Variants in LPIN2 observed in about 807,000 individuals in gnomAD.
LPIN2 encodes lipin 2.
A neutral mutation model predicts 111.4 loss-of-function variants in LPIN2; 55 were observed. The ratio of observed to expected loss-of-function variants is 0.49; its 90% CI spans 0.40 to 0.62. The LOEUF is 0.62. Among genes scored for constraint, LPIN2 ranks in the 20% least tolerant of loss-of-function variants. The probability of loss-of-function intolerance (pLI) is 0.00; values close to 1 mark genes in which losing one functional copy is unlikely to be tolerated. For synonymous variants in LPIN2, 425 were observed against 414.0 expected, an observed-to-expected ratio of 1.03 and a Z score of -0.32; for missense variants, 992 against 1,112.1, an observed-to-expected ratio of 0.89 and a Z score of 1.54.
intron 8 of LPIN2, among the ~76,000 whole-genome samples, chr18:2,933,782 T>A (rs1482688442): frequency 1.3e-5 from 2 of 152,090 alleles, no homozygotes; most frequent in Non-Finnish European, 2.9e-5. Context: ...TCCAAGTGTA[T>A]CATATTTGAG....
chr18:2,990,950 T>G (rs966814239), intron 1 of LPIN2: 6 of 563,728 alleles, frequency 1.1e-5, no homozygotes, highest in Non-Finnish European at 2.1e-5. Context: ...ATGATGCCAG[T>G]GGGACCTGCT....
chr18:2,960,992 G>A, intron 1 of LPIN2, 143 bp from the exon 2 acceptor site: 1 of 749,618 alleles, frequency 1.3e-6, no homozygotes, highest in East Asian at 2.7e-5. Flanking sequence ...CAACCTAACA[G>A]TCTCATGCTA....
At chr18:3,006,103 T>C (rs1212491549) in intron 1 of LPIN2, among the ~76,000 whole-genome samples, 1 of 152,184 alleles carries the variant, frequency 6.6e-6, no homozygotes, top group Non-Finnish European at 1.5e-5. Context: ...TGTACAGTGG[T>C]TGTGACTTAA....
rs936390326 is a variant in LPIN2, at chr18:2,928,715, G to A, written c.1551-55C>T. The A allele has an allele frequency of 1.5e-4, 199 of 1,310,842 alleles. 2 individuals carry two copies. The South Asian group carries it at 2.3e-3, about 15-fold the overall frequency. 81.2% of individuals were successfully genotyped at this position (1,310,842 alleles called of 1,614,324 possible). On this transcript the variant is annotated intron_variant, in intron 10 of 19. Coordinates refer to ENST00000677752, the MANE Select transcript of LPIN2 (RefSeq NM_001375808.2). ...TTACACAGTGAAAGTGAGCAAGAGA[G>A]AGGGGAGGGAATCAGGGAGGGAGGG...
rs2078406242 is a variant in LPIN2, at chr18:2,999,946, C to T, written c.-10+13141G>A. 2.6e-5 allele frequency among the ~76,000 whole-genome samples: 4 copies of T among 151,934 alleles called. No homozygotes were observed. In the South Asian group the frequency reaches 8.3e-4, roughly 31 times the overall value. ...GGTCTCACCTGTAATCCCAGCACTT[C>T]AGGAGGCTGAGGTGGGAGGATCACT... On this transcript the variant is annotated intron_variant, in intron 1 of 19. Transcript: ENST00000677752.
intron 1 of LPIN2, among the ~76,000 whole-genome samples, chr18:3,009,866 T>A (rs1038999449): frequency 1.3e-5 from 2 of 152,234 alleles, no homozygotes; most frequent in African/African-American, 4.8e-5. Context: ...AGTAAAAATG[T>A]TTACTTTATC....
At chr18:2,951,604 T>C (rs1420998247) in intron 3 of LPIN2, among the ~76,000 whole-genome samples, 1 of 152,138 alleles carries the variant, frequency 6.6e-6, no homozygotes, top group Admixed American at 6.5e-5. Context: ...GGAACTGACA[T>C]GCCAAGTCAG....
At position 2,945,635 on chromosome 18, in the gene LPIN2, T is replaced by C. The variant is rs1316392146; in HGVS notation, c.591-4923A>G. 4.1e-6 allele frequency: 6 copies of C among 1,476,878 alleles called. No individual in the cohort carries two copies. In the African/African-American group the frequency reaches 4.2e-5, roughly 10 times the overall value. 91.5% of individuals were successfully genotyped at this position (1,476,878 alleles called of 1,614,324 possible). A position where few individuals can be genotyped will look rare whatever the true frequency, so the allele number is the denominator to read the frequency against. ...CACTGCATCGGTTCAGCTTTTCTCA[T>C]AGTGATTTCAATCTTTGTTGCAGTC... On this transcript the variant is annotated intron_variant, in intron 4 of 19. Coordinates refer to ENST00000677752, the MANE Select transcript of LPIN2 (RefSeq NM_001375808.2).
At chr18:3,006,548 C>T (rs1278321426) in intron 1 of LPIN2, among the ~76,000 whole-genome samples, 1 of 152,094 alleles carries the variant, frequency 6.6e-6, no homozygotes, top group Non-Finnish European at 1.5e-5. Flanking sequence ...AAAAATTAGC[C>T]AAGCATGGGC....
chr18:2,976,295 C>G (rs2078014256), intron 1 of LPIN2, among the ~76,000 whole-genome samples: 1 of 152,138 alleles, frequency 6.6e-6, no homozygotes, highest in South Asian at 2.1e-4. Flanking sequence ...TAAGAACCAG[C>G]CAGATGGACT....
chr18:2,960,446 TCAAA>T (rs2077694873), intron 2 of LPIN2, among the ~76,000 whole-genome samples, 199 bp downstream of exon 2: 1 of 151,870 alleles, frequency 6.6e-6, no homozygotes, highest in Non-Finnish European at 1.5e-5. Context: ...TTTGTGGTTT[TCAAA>T]GTAACTTCAA....
At chr18:3,000,887 T>C (rs540634195) in intron 1 of LPIN2, among the ~76,000 whole-genome samples, 3 of 134,996 alleles carry the variant, frequency 2.2e-5, no homozygotes, top group African/African-American at 8.4e-5. Flanking sequence ...CATCAAGAGA[T>C]GGTAATGAGA....
intron 1 of LPIN2, among the ~76,000 whole-genome samples, chr18:2,994,774 G>A (rs575613408): frequency 3.7e-4 from 56 of 152,250 alleles, no homozygotes; most frequent in African/African-American, 1.1e-3. Context: ...AAATGTCTCC[G>A]GTTATTTCTG....
chr18:2,919,479 A>G lies in LPIN2; in HGVS notation c.*814T>C, dbSNP rs1598515572. 6.6e-6 allele frequency: 1 copy of G among 152,330 alleles called. No homozygotes were observed. The highest frequency in any genetic ancestry group is 1.5e-5 in the Non-Finnish European group (1 of 68,142). The allele number at this position is 152,330 out of a possible 1,614,324, so 9.4% of individuals were successfully genotyped here. ...GGACCCCACTCAACCGCCTATCTGCATTTCGGAGGCCTCCCTAAAAGCAGA... is the reference window on the plus strand; with the variant it reads ...GGACCCCACTCAACCGCCTATCTGCGTTTCGGAGGCCTCCCTAAAAGCAGA... On this transcript the variant is annotated 3_prime_UTR_variant, in exon 20 of 20. Coordinates refer to ENST00000677752, the MANE Select transcript of LPIN2 (RefSeq NM_001375808.2).
At chr18:2,950,013 A>G (rs2077509961) in intron 4 of LPIN2, among the ~76,000 whole-genome samples, 1 of 152,026 alleles carries the variant, frequency 6.6e-6, no homozygotes, top group Admixed American at 6.6e-5. Context: ...AGGTGGGAGG[A>G]CTGCTTGAGT....
intron 1 of LPIN2, among the ~76,000 whole-genome samples, chr18:2,998,991 A>G (rs1400605268): frequency 1.3e-5 from 2 of 152,248 alleles, no homozygotes; most frequent in Non-Finnish European, 2.9e-5. Flanking sequence ...CTCCAGTTGT[A>G]ATCTAAAAAT....
intron 1 of LPIN2, among the ~76,000 whole-genome samples, chr18:2,970,655 A>G (rs1192000027): frequency 6.6e-6 from 1 of 152,236 alleles, no homozygotes; most frequent in Non-Finnish European, 1.5e-5. Context: ...CCTCCTGCAA[A>G]TATCAGCCTG....
intron 4 of LPIN2, 39 bp from the exon 5 acceptor site, chr18:2,940,751 ATTC>A: frequency 1.6e-6 from 2 of 1,229,924 alleles, no homozygotes; most frequent in African/African-American, 1.5e-5. Context: ...GAACGATGAC[ATTC>A]TTGTCAGCTT....
Position 2,918,175 on chromosome 18 carries a change from C to A in LPIN2, c.*2118G>T, listed in dbSNP as rs2144097933. 6.6e-6 allele frequency: 1 copy of A among 152,280 alleles called. No individual in the cohort carries two copies. The allele number at this position is 152,280 out of a possible 1,614,324, so 9.4% of individuals were successfully genotyped here. A position where few individuals can be genotyped will look rare whatever the true frequency, so the allele number is the denominator to read the frequency against. ...AGTCTAGTGCTAGCAGACACAGGGA[C>A]AGAGGGACCAGCTACCCTCAACACA... On this transcript the variant is annotated 3_prime_UTR_variant, in exon 20 of 20. Coordinates refer to ENST00000677752, the MANE Select transcript of LPIN2 (RefSeq NM_001375808.2).
Sources: gnomAD v4.1 joint callset for allele counts (sites outside exome capture counted in the v4.1 genomes callset) on GRCh38, gnomAD v4.1.1 for gene constraint, MANE v1.5 for transcripts, NCBI Gene and HGNC (gene_info 2026-07-23, HGNC 2026-07-21) for gene names.